PHF14: variants seen among roughly 807,000 people sequenced by gnomAD.
PHF14 encodes the protein PHD finger protein 14.
In PHF14, 55 loss-of-function variants were observed where a neutral mutation model predicts 117.9. The ratio of observed to expected loss-of-function variants is 0.47; its 90% CI spans 0.38 to 0.58. The LOEUF (loss-of-function observed/expected upper bound fraction) is 0.58. Among genes scored for constraint, PHF14 ranks in the 20% least tolerant of loss-of-function variants. PHF14 has a pLI of 0.00. For synonymous variants in PHF14, 409 were observed against 368.6 expected (o/e 1.11, Z -1.26); for missense variants, 978 against 1,122.2 (o/e 0.87, Z 1.84).
At chr7:11,004,815 T>C (rs142262526) in intron 4 of PHF14, among the ~76,000 whole-genome samples, 3,992 of 151,874 alleles carry the variant, frequency 0.026, 179 homozygotes, top group African/African-American at 0.092. Flanking sequence ...GTGGGTGGAT[T>C]ACTTGAAGTC....
At chr7:11,012,176 C>T (rs1260009585) in intron 4 of PHF14, among the ~76,000 whole-genome samples, 3 of 152,108 alleles carry the variant, frequency 2.0e-5, no homozygotes, top group African/African-American at 4.8e-5. Flanking sequence ...TCAATGAAGT[C>T]CTGCCTGAAC....
intron 16 of PHF14, chr7:11,104,063 C>A: frequency 1.0e-6 from 1 of 984,520 alleles, no homozygotes; most frequent in Non-Finnish European, 1.2e-6. Flanking sequence ...ATCCATTAGA[C>A]CATGGCCCTC....
intron 17 of PHF14, among the ~76,000 whole-genome samples, chr7:11,165,587 A>G (rs1789178998): frequency 6.6e-6 from 1 of 152,214 alleles, no homozygotes; most frequent in African/African-American, 2.4e-5. Flanking sequence ...ATCTGTACTC[A>G]TAGAGTGTAA....
intron 16 of PHF14, among the ~76,000 whole-genome samples, chr7:11,077,850 TTATC>T (rs1386967862): frequency 1.3e-5 from 2 of 152,032 alleles, no homozygotes; most frequent in Non-Finnish European, 2.9e-5. Context: ...AGTAAGAACA[TTATC>T]TATCTCAGAA....
chr7:11,051,585 T>C, intron 13 of PHF14, 27 bp from the exon 14 acceptor site: 1 of 1,582,128 alleles, frequency 6.3e-7, no homozygotes, highest in Non-Finnish European at 8.6e-7. Context: ...AATAAATGCA[T>C]GACTTAAATT....
chr7:11,167,037 TTA>T (rs1306425013), intron 17 of PHF14, among the ~76,000 whole-genome samples: 1 of 152,214 alleles, frequency 6.6e-6, no homozygotes, highest in Non-Finnish European at 1.5e-5. Context: ...TTGCAAATTT[TTA>T]TTTCATTTAA....
intron 16 of PHF14, chr7:11,104,672 G>A: frequency 1.0e-6 from 1 of 955,896 alleles, no homozygotes; most frequent in Non-Finnish European, 1.2e-6. Flanking sequence ...CAAACGTTGT[G>A]CATTGGAATC....
At chr7:11,028,021 G>A (rs1442410995) in intron 6 of PHF14, among the ~76,000 whole-genome samples, 1 of 151,930 alleles carries the variant, frequency 6.6e-6, no homozygotes, top group Admixed American at 6.6e-5. Context: ...TATACATATA[G>A]TCCTTGACTT....
At chr7:10,989,986 A>G (rs1319787508) in intron 3 of PHF14, among the ~76,000 whole-genome samples, 1 of 152,124 alleles carries the variant, frequency 6.6e-6, no homozygotes, top group Non-Finnish European at 1.5e-5. Flanking sequence ...TACACTGGAT[A>G]TTTCTTGATA....
chr7:11,077,899 T>G (rs1309899220), intron 16 of PHF14, among the ~76,000 whole-genome samples: 1 of 152,164 alleles, frequency 6.6e-6, no homozygotes, highest in Admixed American at 6.5e-5. Flanking sequence ...GTTCCTCAGT[T>G]GAGAAGTTTT....
chr7:11,134,654 A>T (rs2128349501), intron 17 of PHF14, among the ~76,000 whole-genome samples: 1 of 152,098 alleles, frequency 6.6e-6, no homozygotes, highest in South Asian at 2.1e-4. Context: ...CAGAGCTATG[A>T]CCAGGTCAGT....
At chr7:11,006,465 C>G (rs1783101520) in intron 4 of PHF14, 24 of 539,004 alleles carry the variant, frequency 4.5e-5, no homozygotes, top group South Asian at 3.2e-4. Context: ...GAACATATGC[C>G]TTCTTTTCTC....
intron 5 of PHF14, among the ~76,000 whole-genome samples, chr7:11,022,617 A>G (rs1204050578): frequency 2.0e-5 from 3 of 152,298 alleles, no homozygotes; most frequent in Admixed American, 1.3e-4. Flanking sequence ...GTGAAAGGCA[A>G]TTATAGTTGT....
chr7:11,037,421 T>A (rs537711922), intron 10 of PHF14, among the ~76,000 whole-genome samples: 42 of 152,212 alleles, frequency 2.8e-4, no homozygotes, highest in Non-Finnish European at 4.1e-4. Context: ...ACACAAGTAG[T>A]CAAGTCACAG....
At chr7:11,128,287 A>G (rs1001749181) in intron 17 of PHF14, among the ~76,000 whole-genome samples, 7 of 152,034 alleles carry the variant, frequency 4.6e-5, no homozygotes, top group Non-Finnish European at 1.5e-5. Context: ...CAGCAGACTT[A>G]CTTTTTCAAG....
intron 4 of PHF14, among the ~76,000 whole-genome samples, chr7:11,005,916 C>A (rs1057267518): frequency 8.6e-5 from 13 of 151,392 alleles, no homozygotes; most frequent in Non-Finnish European, 1.6e-4. Flanking sequence ...CCTCAGCCTC[C>A]TGAGTAGCTG....
At chr7:11,129,671 T>C (rs1301709181) in intron 17 of PHF14, among the ~76,000 whole-genome samples, 1 of 151,884 alleles carries the variant, frequency 6.6e-6, no homozygotes, top group African/African-American at 2.4e-5. Context: ...TCATTTTTAT[T>C]GGATAAAAAT....
intron 16 of PHF14, among the ~76,000 whole-genome samples, chr7:11,099,463 T>C (rs1787005118): frequency 6.6e-6 from 1 of 152,098 alleles, no homozygotes; most frequent in African/African-American, 2.4e-5. Context: ...ATTTCTGGGG[T>C]ACACAATTTT....
At position 10,987,105 on chromosome 7, in the gene PHF14, A is replaced by G. The variant is rs931787206; in HGVS notation, c.901-3598A>G. On this transcript the variant is annotated intron_variant, in intron 3 of 17. Coordinates refer to ENST00000634607, the MANE Select transcript of PHF14 (RefSeq NM_001007157.2). ...CCAAAATTTATAAATATCCACTTCT[A>G]TTTGGGACTTCTAACTTATTAATCA... 2.0e-5 allele frequency among the ~76,000 whole-genome samples: 3 copies of G among 152,124 alleles called. No homozygotes were observed. In the South Asian group the frequency reaches 6.2e-4, roughly 32 times the overall value.
Sources: allele counts gnomAD v4.1 joint callset (sites outside exome capture counted in the v4.1 genomes callset), GRCh38; gene constraint gnomAD v4.1.1; transcripts MANE v1.5; gene names NCBI Gene and HGNC (gene_info 2026-07-23, HGNC 2026-07-21).